The following TTLL7 variants were observed in gnomAD, a reference collection of about 807,000 sequenced individuals.
TTLL7 encodes the protein tubulin polyglutamylase TTLL7.
TTLL7 carries 53 observed loss-of-function variants against 120.2 expected under a neutral mutation model. That is an observed-to-expected ratio of 0.44 (90% CI 0.35 to 0.55). TTLL7 has a LOEUF of 0.55. Among genes scored for constraint, TTLL7 ranks in the 20% least tolerant of loss-of-function variants. The probability of loss-of-function intolerance (pLI) is 0.00; values close to 1 mark genes in which losing one functional copy is unlikely to be tolerated. For missense variants in TTLL7, 803 were observed against 1,054.7 expected, an observed-to-expected ratio of 0.76 and a Z score of 3.31; for synonymous variants, 353 against 351.7, an observed-to-expected ratio of 1.00 and a Z score of -0.04.
chr1:83,984,980 T>C (rs772203729), intron 1 of TTLL7, among the ~76,000 whole-genome samples: 1 of 152,126 alleles, frequency 6.6e-6, no homozygotes, highest in Non-Finnish European at 1.5e-5. Flanking sequence ...GATAAACATC[T>C]AGCAAAACTG....
chr1:83,977,637 T>TTG (rs372158837), intron 1 of TTLL7, among the ~76,000 whole-genome samples: 388 of 152,272 alleles, frequency 2.5e-3, no homozygotes, highest in African/African-American at 8.9e-3. Context: ...ATTCTGATGA[T>TTG]GTCCAAAGTA....
At chr1:83,957,949 T>A (rs1385509791) in intron 1 of TTLL7, among the ~76,000 whole-genome samples, 1 of 152,184 alleles carries the variant, frequency 6.6e-6, no homozygotes, top group African/African-American at 2.4e-5. Flanking sequence ...TATACTTTAT[T>A]ATAGCAGCCT....
intron 14 of TTLL7, among the ~76,000 whole-genome samples, chr1:83,914,323 C>CTTTTT (rs1171299360): frequency 0.015 from 1,180 of 78,348 alleles, 9 homozygotes; most frequent in Non-Finnish European, 0.019. Context: ...CTCTCTCTCT[C>CTTTTT]TTTTTTTTTT....
At chr1:83,940,103 G>A (rs1422181148) in intron 7 of TTLL7, among the ~76,000 whole-genome samples, 2 of 152,076 alleles carry the variant, frequency 1.3e-5, no homozygotes, top group African/African-American at 4.8e-5. Context: ...AAAGCCTGGA[G>A]CTTACGTGAT....
intron 1 of TTLL7, among the ~76,000 whole-genome samples, chr1:83,985,339 G>T (rs955216689): frequency 2.0e-5 from 3 of 152,210 alleles, no homozygotes; most frequent in Non-Finnish European, 4.4e-5. Context: ...GCTGGAGAAA[G>T]AAGGCAGCCA....
Position 83,904,083 on chromosome 1 carries a change from C to T in TTLL7, c.2204G>A (p.Arg735Gln), listed in dbSNP as rs1345161586. Residue 735 changes from arginine to glutamine, a missense_variant, in exon 18 of 21, where the codon CGA (arginine) becomes CAA (glutamine). Physicochemically the swap from Arg to Gln is conservative, Grantham distance 43. Coordinates refer to ENST00000260505, the MANE Select transcript of TTLL7 (RefSeq NM_024686.6). ...WLIKLDSVKQ[R>Q]KVLDIVKTSI... is the part of the protein sequence containing the mutation. The stretch of plus-strand genomic sequence containing the variant: ...CTTGTTTTGAGCATTACTCACTTTT[C>T]GTTGTTTTACAGAGTCCAATTTTAT... 3.7e-6 allele frequency: 6 copies of T among 1,610,608 alleles called. No homozygotes were observed. Among genetic ancestry groups the T allele is most frequent in the South Asian group, 1.1e-5 (1 of 90,724 alleles).
chr1:83,990,330 T>C (rs12142873), intron 1 of TTLL7, among the ~76,000 whole-genome samples: 7,029 of 152,012 alleles, frequency 0.046, 218 homozygotes, highest in Middle Eastern at 0.11. Flanking sequence ...CGCCCGCCAC[T>C]GCGCCCGGCT....
intron 16 of TTLL7, 150 bp from the exon 17 acceptor site, chr1:83,906,613 A>G: frequency 2.8e-6 from 3 of 1,060,964 alleles, no homozygotes; most frequent in South Asian, 1.4e-5. Flanking sequence ...ACACTTGTGA[A>G]TTCTTTGGAT....
chr1:83,973,959 C>T (rs1651228868), intron 1 of TTLL7, among the ~76,000 whole-genome samples: 1 of 151,970 alleles, frequency 6.6e-6, no homozygotes, highest in Non-Finnish European at 1.5e-5. Context: ...TATGCTTATA[C>T]AAGCATATGC....
intron 14 of TTLL7, among the ~76,000 whole-genome samples, chr1:83,912,042 C>T (rs1170664976): frequency 6.6e-6 from 1 of 152,148 alleles, no homozygotes. Context: ...TTCCAAACTG[C>T]TCAAGAACAA....
chr1:83,892,912 A>AAAAAAGAAAG (rs1557569989), intron 18 of TTLL7, among the ~76,000 whole-genome samples: 4 of 97,850 alleles, frequency 4.1e-5, no homozygotes, highest in African/African-American at 1.0e-4. Context: ...AAGGAAAAAG[A>AAAAAAGAAAG]AAAAAGAAAG....
In TTLL7 at chr1:83,911,021, T is replaced by A. The variant is rs1657630725; in HGVS notation, c.1786+144A>T. On this transcript the variant is annotated intron_variant, in intron 15 of 20. Transcript: ENST00000260505. Reference sequence around the variant, plus strand: ...GGCTTAATTAAGGGATGTGCCCGAGTCTGGTTAGGGAAGGAAGTGGGATGG... The same window carrying A: ...GGCTTAATTAAGGGATGTGCCCGAGACTGGTTAGGGAAGGAAGTGGGATGG... 3 of 652,104 alleles carry A rather than the reference T, an allele frequency of 4.6e-6. No homozygotes were observed. In the East Asian group the frequency reaches 8.1e-5, roughly 18 times the overall value. 40.4% of individuals were successfully genotyped at this position (652,104 alleles called of 1,614,324 possible).
chr1:83,897,795 T>C (rs1656371885), intron 18 of TTLL7, among the ~76,000 whole-genome samples: 1 of 151,244 alleles, frequency 6.6e-6, no homozygotes, highest in Non-Finnish European at 1.5e-5. Context: ...CAGACCTGCA[T>C]TGTAGCCCTA....
At chr1:83,933,861 G>T in intron 8 of TTLL7, 95 bp from the exon 9 acceptor site, 1 of 1,235,044 alleles carries the variant, frequency 8.1e-7, no homozygotes, top group Non-Finnish European at 1.1e-6. Context: ...GCCTGGCCAA[G>T]TTTACAAAGC....
rs536644733 is a variant in TTLL7 at position 83,914,380 on chromosome 1, A to G, written c.1588-3017T>C. ...CAGAGTCTTGCTCTGTCGCCAAGCC[A>G]GAGTGCAGTGGCGCGATCTTGGCTC... On this transcript the variant is annotated intron_variant, in intron 14 of 20. Coordinates refer to ENST00000260505, the MANE Select transcript of TTLL7 (RefSeq NM_024686.6). Among the ~76,000 whole-genome samples, 12 of 120,304 alleles carry G rather than the reference A, an allele frequency of 1.0e-4. No homozygotes were observed. In the Admixed American group the frequency reaches 1.4e-3, roughly 14 times the overall value. 78.9% of individuals were successfully genotyped at this position (120,304 alleles called of 152,430 possible).
At chr1:83,985,376 C>A (rs1445324216) in intron 1 of TTLL7, among the ~76,000 whole-genome samples, 1 of 152,198 alleles carries the variant, frequency 6.6e-6, no homozygotes, top group African/African-American at 2.4e-5. Context: ...AAGCTTATCC[C>A]ACCTTCTTCT....
chr1:83,975,007 C>A (rs1557777739), intron 1 of TTLL7, among the ~76,000 whole-genome samples: 1 of 151,992 alleles, frequency 6.6e-6, no homozygotes. Context: ...TATGCTAATT[C>A]ATTACTTGAC....
At position 83,910,027 on chromosome 1, in the gene TTLL7, GTAAA is replaced by G. The variant is rs948897999; in HGVS notation, c.1786+1134_1786+1137del. ...CAATAAACATTTCTTAAATGAATAA[GTAAA>G]TAAATAAATAAATGAAATGGAACAC... is the stretch of plus-strand genomic sequence containing the variant. On this transcript the variant is annotated intron_variant, in intron 15 of 20. Transcript: ENST00000260505. 1.3e-5 allele frequency among the ~76,000 whole-genome samples: 2 copies of G among 151,996 alleles called. 1 individual carries two copies. Among genetic ancestry groups the G allele is most frequent in the Non-Finnish European group, 2.9e-5 (2 of 68,008 alleles).
intron 1 of TTLL7, among the ~76,000 whole-genome samples, chr1:83,996,438 A>C (rs1653486028): frequency 6.6e-6 from 1 of 152,222 alleles, no homozygotes; most frequent in Non-Finnish European, 1.5e-5. Context: ...AGCACTTCTT[A>C]GCTGAACCTT....
Sources: allele counts gnomAD v4.1 joint callset (sites outside exome capture counted in the v4.1 genomes callset), GRCh38; gene constraint gnomAD v4.1.1; transcripts MANE v1.5; gene names NCBI Gene and HGNC (gene_info 2026-07-23, HGNC 2026-07-21).